The following CHST11 variants were observed in gnomAD, a reference collection of about 807,000 sequenced individuals.
CHST11 encodes the protein C4S-1.
A neutral mutation model predicts 30.4 loss-of-function variants in CHST11; 9 were observed. The observed-to-expected ratio is 0.30, with a 90% CI of 0.18 to 0.52. CHST11 has a LOEUF of 0.52. CHST11 is among the 20% of genes least tolerant of loss of function. The pLI is 0.97. For missense variants in CHST11, 348 were observed against 460.6 expected (o/e 0.76, Z 2.24); for synonymous variants, 152 against 187.8 (o/e 0.81, Z 1.56).
intron 1 of CHST11, among the ~76,000 whole-genome samples, chr12:104,523,516 G>A (rs113719278): frequency 0.017 from 2,563 of 152,244 alleles, 71 homozygotes; most frequent in African/African-American, 0.059. Flanking sequence ...CCCAAATCAG[G>A]AAATCTGTCC....
At chr12:104,726,060 A>G (rs556617112) in intron 2 of CHST11, among the ~76,000 whole-genome samples, 2 of 152,336 alleles carry the variant, frequency 1.3e-5, no homozygotes, top group South Asian at 2.1e-4. Context: ...AACAAGGCCT[A>G]TGGTGAATAG....
chr12:104,751,693 C>G (rs1198317780), intron 2 of CHST11, among the ~76,000 whole-genome samples: 3 of 152,186 alleles, frequency 2.0e-5, no homozygotes, highest in Non-Finnish European at 4.4e-5. Context: ...AAATCCTGTA[C>G]TAGAGTTGAT....
intron 1 of CHST11, among the ~76,000 whole-genome samples, chr12:104,487,217 T>C (rs1198207672): frequency 1.3e-5 from 2 of 152,342 alleles, no homozygotes; most frequent in East Asian, 3.9e-4. Context: ...GAGTGCCTGA[T>C]ACATGCTATG....
chr12:104,535,297 G>T (rs1197620968), intron 1 of CHST11, among the ~76,000 whole-genome samples: 1 of 152,194 alleles, frequency 6.6e-6, no homozygotes, highest in Non-Finnish European at 1.5e-5. Flanking sequence ...GAGACATTGA[G>T]GTCTGACGCT....
chr12:104,655,213 C>T (rs1228736544), intron 2 of CHST11, among the ~76,000 whole-genome samples: 11 of 152,232 alleles, frequency 7.2e-5, no homozygotes, highest in Non-Finnish European at 1.6e-4. Context: ...GAAGGGTGAG[C>T]GACTTCGCAG....
rs367826263 is a variant in CHST11 at position 104,493,035 on chromosome 12, GAA to G, written c.118+35517_118+35518del. On this transcript the variant is annotated intron_variant, in intron 1 of 2. Transcript: ENST00000303694. ...GCAACAGAGCAAGACCCAGTCTCAG[GAA>G]AAAAAAAAAATCCAGGACGTAACTG... Among the ~76,000 whole-genome samples the G allele has an allele frequency of 2.0e-4, 29 of 143,226 alleles. No homozygotes were observed. In the South Asian group the frequency reaches 6.0e-3, roughly 29 times the overall value. The allele number at this position is 143,226 out of a possible 152,430, so 94.0% of individuals were successfully genotyped here.
At chr12:104,635,759 A>C (rs1297403617) in intron 2 of CHST11, among the ~76,000 whole-genome samples, 1 of 152,146 alleles carries the variant, frequency 6.6e-6, no homozygotes, top group African/African-American at 2.4e-5. Flanking sequence ...GTTCTTTGCA[A>C]ATGTTGGGGC....
At chr12:104,503,652 G>T (rs1364191917) in intron 1 of CHST11, among the ~76,000 whole-genome samples, 1 of 152,142 alleles carries the variant, frequency 6.6e-6, no homozygotes, top group Non-Finnish European at 1.5e-5. Flanking sequence ...CCTGTATCTT[G>T]TGTCCCCTAG....
At chr12:104,553,963 G>T (rs1387566227) in intron 1 of CHST11, among the ~76,000 whole-genome samples, 1 of 152,142 alleles carries the variant, frequency 6.6e-6, no homozygotes, top group Admixed American at 6.5e-5. Flanking sequence ...CAGAAGGCTT[G>T]ACTGGGGAAG....
intron 2 of CHST11, among the ~76,000 whole-genome samples, chr12:104,698,141 G>A (rs1185883429): frequency 6.6e-6 from 1 of 152,108 alleles, no homozygotes; most frequent in Non-Finnish European, 1.5e-5. Flanking sequence ...ATTGACTGGA[G>A]CCCTGTTCAG....
At position 104,757,647 on chromosome 12, in the gene CHST11, C is replaced by T. The variant is rs1299040233; in HGVS notation, c.903C>T (p.Phe301=). The stretch of plus-strand genomic sequence containing the variant: ...CAGGAGTGGGCAGCTACCTGAAGTT[C>T]CCCACCTATGCAAAGTCTACGAGAA... ...QLAGVGSYLK[F]PTYAKSTRTT... The change falls in exon 3 of 3, where the codon TTC becomes TTT. Residue 301 remains phenylalanine (F), a synonymous_variant. Transcript: ENST00000303694. This position sits in a 1 kb window ranked among gnomAD's most constrained non-coding sequence, Gnocchi z 6.5. The T allele has an allele frequency of 6.2e-7, 1 of 1,613,984 alleles. No individual in the cohort carries two copies. Among genetic ancestry groups the T allele is most frequent in the Non-Finnish European group, 8.5e-7 (1 of 1,180,022 alleles).
intron 1 of CHST11, among the ~76,000 whole-genome samples, chr12:104,511,953 C>A (rs764085199): frequency 8.5e-5 from 13 of 152,096 alleles, no homozygotes; most frequent in Non-Finnish European, 1.9e-4. Flanking sequence ...CTACACACAT[C>A]CTCCCATATA....
At chr12:104,511,814 G>T (rs900384315) in intron 1 of CHST11, among the ~76,000 whole-genome samples, 2 of 152,130 alleles carry the variant, frequency 1.3e-5, no homozygotes, top group African/African-American at 4.8e-5. Flanking sequence ...GCAAATGCAG[G>T]ACTCAGTAAT....
At chr12:104,524,419 C>T (rs536914537) in intron 1 of CHST11, among the ~76,000 whole-genome samples, 1 of 152,274 alleles carries the variant, frequency 6.6e-6, no homozygotes, top group East Asian at 1.9e-4. Context: ...CCAGGATGGA[C>T]TGTTTAAAAA....
intron 1 of CHST11, among the ~76,000 whole-genome samples, chr12:104,457,793 T>G (rs868226795): frequency 0.13 from 19,072 of 148,186 alleles, 1,510 homozygotes; most frequent in African/African-American, 0.2. Context: ...TAGTTTTTTT[T>G]TTTTTTTTTT....
At chr12:104,670,798 A>ACACC in intron 2 of CHST11, among the ~76,000 whole-genome samples, 1 of 134,494 alleles carries the variant, frequency 7.4e-6, no homozygotes, top group South Asian at 2.4e-4. Flanking sequence ...TCTCACACAC[A>ACACC]CCCCACATAA....
chr12:104,540,494 AAGTC>A (rs746024825), intron 1 of CHST11, among the ~76,000 whole-genome samples: 41 of 152,288 alleles, frequency 2.7e-4, no homozygotes, highest in Non-Finnish European at 5.1e-4. Flanking sequence ...GGAAGACTGA[AAGTC>A]AGAAAGAGTG....
intron 1 of CHST11, among the ~76,000 whole-genome samples, chr12:104,495,119 C>G (rs1037356838): frequency 5.3e-5 from 8 of 152,176 alleles, no homozygotes; most frequent in Non-Finnish European, 1.2e-4. Context: ...TTAATGTCCT[C>G]AGAGTTCGTC....
intron 2 of CHST11, among the ~76,000 whole-genome samples, chr12:104,616,073 C>T (rs1292848582): frequency 6.6e-6 from 1 of 152,182 alleles, no homozygotes; most frequent in Non-Finnish European, 1.5e-5. Context: ...TATTGTTACT[C>T]AGGCACAAAG....
Sources: gnomAD v4.1 joint callset for allele counts (sites outside exome capture counted in the v4.1 genomes callset) on GRCh38, gnomAD v4.1.1 for gene constraint, Gnocchi (gnomAD v3.1) non-coding constraint, MANE v1.5 for transcripts, NCBI Gene and HGNC (gene_info 2026-07-23, HGNC 2026-07-21) for gene names.